SCHIP1: variants seen among roughly 807,000 people sequenced by gnomAD.
The protein encoded by SCHIP1 is schwannomin interacting protein 1.
A neutral mutation model predicts 29.7 loss-of-function variants in SCHIP1; 8 were observed. The ratio of observed to expected loss-of-function variants is 0.27; its 90% CI spans 0.16 to 0.49. The LOEUF is 0.49. Ranked by LOEUF, SCHIP1 falls within the 20% of genes least tolerant of loss-of-function variation. The pLI is 0.99. For synonymous variants in SCHIP1, 76 were observed against 94.9 expected, an observed-to-expected ratio of 0.80 and a Z score of 1.16; for missense variants, 193 against 294.6, an observed-to-expected ratio of 0.66 and a Z score of 2.52.
At chr3:159,655,593 G>A in the SCHIP1 span, among the ~76,000 whole-genome samples, 1 of 152,110 alleles carries the variant, frequency 6.6e-6, no homozygotes, top group Admixed American at 6.5e-5. Flanking sequence ...TAGAACCAAT[G>A]AGAAAGAAAC....
the SCHIP1 span, among the ~76,000 whole-genome samples, chr3:159,320,884 TG>T: frequency 6.6e-6 from 1 of 151,898 alleles, no homozygotes; most frequent in East Asian, 1.9e-4. Context: ...ATCATCTTCC[TG>T]GGGGGCTATG....
chr3:159,530,547 C>T, the SCHIP1 span, among the ~76,000 whole-genome samples: 1 of 152,092 alleles, frequency 6.6e-6, no homozygotes, highest in Non-Finnish European at 1.5e-5. Context: ...TGGAAATATC[C>T]ATCTCCTTTG....
chr3:159,489,031 T>G, the SCHIP1 span, among the ~76,000 whole-genome samples: 2 of 152,206 alleles, frequency 1.3e-5, no homozygotes, highest in South Asian at 2.1e-4. Flanking sequence ...ACGTAATGTT[T>G]TAATTGTTCT....
At chr3:159,878,502 G>C (rs1369963168) in intron 2 of SCHIP1, among the ~76,000 whole-genome samples, 2 of 150,594 alleles carry the variant, frequency 1.3e-5, no homozygotes, top group East Asian at 2.0e-4. Flanking sequence ...AAATAGGCCG[G>C]GCGCGGTGGC....
At chr3:159,375,678 A>G in the SCHIP1 span, 2 of 333,628 alleles carry the variant, frequency 6.0e-6, no homozygotes, top group Non-Finnish European at 8.5e-6. Context: ...CGGAGGTTGC[A>G]GTGAGCCGAG....
chr3:159,737,564 A>G, the SCHIP1 span, among the ~76,000 whole-genome samples: 2 of 152,172 alleles, frequency 1.3e-5, no homozygotes, highest in African/African-American at 2.4e-5. Context: ...ATGTGCTACT[A>G]TTATTGAATT....
chr3:159,329,134 G>A, the SCHIP1 span, among the ~76,000 whole-genome samples: 1 of 151,952 alleles, frequency 6.6e-6, no homozygotes, highest in African/African-American at 2.4e-5. Context: ...CTGTGTGGAT[G>A]AGTAAAACAA....
the SCHIP1 span, among the ~76,000 whole-genome samples, chr3:159,557,104 T>A: frequency 1.3e-4 from 19 of 151,742 alleles, no homozygotes; most frequent in Admixed American, 9.2e-4. Flanking sequence ...ACTGCATGCA[T>A]CCGCCACCAC....
At chr3:159,441,909 C>A in the SCHIP1 span, among the ~76,000 whole-genome samples, 1 of 152,090 alleles carries the variant, frequency 6.6e-6, no homozygotes, top group East Asian at 1.9e-4. Flanking sequence ...GTTGCCCAGG[C>A]TGTTCTTGGA....
At chr3:159,726,744 C>T in the SCHIP1 span, among the ~76,000 whole-genome samples, 5 of 152,156 alleles carry the variant, frequency 3.3e-5, no homozygotes, top group African/African-American at 9.7e-5. Flanking sequence ...TGTCTCTCAG[C>T]TTTACTGAGA....
At chr3:159,629,848 C>A in the SCHIP1 span, among the ~76,000 whole-genome samples, 3 of 152,142 alleles carry the variant, frequency 2.0e-5, no homozygotes, top group Non-Finnish European at 4.4e-5. Flanking sequence ...ATACAAAGAC[C>A]AATAAGGCAT....
chr3:159,820,838 GAGA>G, the SCHIP1 span, among the ~76,000 whole-genome samples: 1 of 152,264 alleles, frequency 6.6e-6, no homozygotes, highest in East Asian at 1.9e-4. Context: ...AGTTTAGATT[GAGA>G]AGAACTCTAA....
At chr3:159,886,138 C>A in intron 2 of SCHIP1, 69 bp from the exon 4 acceptor site, 1 of 1,547,930 alleles carries the variant, frequency 6.5e-7, no homozygotes, top group Non-Finnish European at 8.9e-7. Flanking sequence ...CAAAATCAGA[C>A]AGTTCTATTG....
chr3:159,664,612 G>T, the SCHIP1 span, among the ~76,000 whole-genome samples: 1 of 152,192 alleles, frequency 6.6e-6, no homozygotes, highest in Non-Finnish European at 1.5e-5. Flanking sequence ...AAATTATGGG[G>T]TCTTAATGAA....
At chr3:159,607,956 G>T in the SCHIP1 span, among the ~76,000 whole-genome samples, 25 of 152,148 alleles carry the variant, frequency 1.6e-4, no homozygotes, top group African/African-American at 5.6e-4. Context: ...TGGGAGGAGA[G>T]CCCCTAGCAC....
At chr3:159,813,741 TAC>T in the SCHIP1 span, among the ~76,000 whole-genome samples, 1 of 152,176 alleles carries the variant, frequency 6.6e-6, no homozygotes, top group Non-Finnish European at 1.5e-5. Flanking sequence ...CCAAATCTCT[TAC>T]TCTTTCCTCT....
At chr3:159,728,058 G>C in the SCHIP1 span, among the ~76,000 whole-genome samples, 11 of 147,902 alleles carry the variant, frequency 7.4e-5, no homozygotes, top group Non-Finnish European at 1.6e-4. Flanking sequence ...TAATAAATCT[G>C]GACCCATTGT....
chr3:159,691,969 G>A, the SCHIP1 span, among the ~76,000 whole-genome samples: 1 of 149,764 alleles, frequency 6.7e-6, no homozygotes, highest in African/African-American at 2.5e-5. Flanking sequence ...AGAGAGATCT[G>A]CTCTTAGTCT....
chr3:159,456,487 C>A, the SCHIP1 span, among the ~76,000 whole-genome samples: 1 of 152,150 alleles, frequency 6.6e-6, no homozygotes, highest in African/African-American at 2.4e-5. Flanking sequence ...AGAGATCTTA[C>A]AAGAAATCTG....
Sources: gnomAD v4.1 joint callset for allele counts (sites outside exome capture counted in the v4.1 genomes callset) on GRCh38, gnomAD v4.1.1 for gene constraint, MANE v1.5 for transcripts, NCBI Gene and HGNC (gene_info 2026-07-23, HGNC 2026-07-21) for gene names.